Variants in WDFY3 observed in about 807,000 individuals in gnomAD.
WDFY3 encodes the protein WD repeat and FYVE domain containing 3.
WDFY3 carries 66 observed loss-of-function variants against 409.6 expected under a neutral mutation model. The observed-to-expected ratio is 0.16, with a 90% CI of 0.13 to 0.20. The LOEUF (loss-of-function observed/expected upper bound fraction) is 0.20, where lower values mean the gene tolerates loss of function less well. WDFY3 is among the 10% of genes least tolerant of loss of function. The pLI, the probability that WDFY3 is intolerant of heterozygous loss-of-function variation, is 1.00. For synonymous variants in WDFY3, 1,521 were observed against 1,537.1 expected (o/e 0.99, Z 0.25); for missense variants, 3,031 against 4,298.1 (o/e 0.71, Z 8.24).
chr4:84,787,737 G>A, intron 22 of WDFY3, 24 bp from the exon 23 acceptor site: 1 of 1,573,126 alleles, frequency 6.4e-7, no homozygotes, highest in Non-Finnish European at 8.7e-7. Flanking sequence ...AAAAGCAAAT[G>A]TGTGAGATGT....
Position 84,786,117 on chromosome 4 carries a change from C to T in WDFY3, c.3924G>A (p.Gly1308=). ...CTAATGACACAGGGGATGGCACCAC[C>T]CCTTCGGATTTTGCATCTTTACCTT... is the stretch of plus-strand genomic sequence containing the variant. The part of the protein sequence containing the change: ...CMPCKDAKSE[G]VVPSPVSLVP... The change falls in exon 24 of 68, where the codon GGG becomes GGA. Residue 1308 remains glycine, a synonymous_variant. Coordinates refer to ENST00000295888, the MANE Select transcript of WDFY3 (RefSeq NM_014991.6). 1.2e-6 allele frequency: 2 copies of T among 1,603,452 alleles called. No homozygotes were observed. The highest frequency in any genetic ancestry group is 2.2e-5 in the East Asian group (1 of 44,466).
At chr4:84,945,712 G>A (rs375691056) in intron 1 of WDFY3, among the ~76,000 whole-genome samples, 10 of 152,110 alleles carry the variant, frequency 6.6e-5, no homozygotes, top group African/African-American at 2.2e-4. Flanking sequence ...TCCCATCTCC[G>A]GAACACACTG....
intron 32 of WDFY3, among the ~76,000 whole-genome samples, chr4:84,761,014 C>A (rs912272204): frequency 1.3e-5 from 2 of 151,262 alleles, no homozygotes; most frequent in African/African-American, 2.4e-5. Context: ...TGTCTTTGTT[C>A]TCGTTGGTTT....
Position 84,741,767 on chromosome 4 carries a change from A to G in WDFY3, c.6228T>C (p.Ile2076=). ...KLLIDFIIQL[I]AQSKRRSQGL... is the part of the protein sequence containing the mutation. ...GATAGTGACAATGGATTACCTGTGCAATTAGTTGAATTATAAAATCTATAA... is the reference window on the plus strand; with the variant it reads ...GATAGTGACAATGGATTACCTGTGCGATTAGTTGAATTATAAAATCTATAA... Residue 2076 remains isoleucine (I), a synonymous_variant, in exon 38 of 68, where the codon ATT becomes ATC. Transcript: ENST00000295888. 3 of 1,609,044 alleles carry G rather than the reference A, an allele frequency of 1.9e-6. No individual in the cohort carries two copies. Among genetic ancestry groups the G allele is most frequent in the Non-Finnish European group, 1.7e-6 (2 of 1,176,382 alleles).
intron 55 of WDFY3, 38 bp from the exon 56 acceptor site, chr4:84,702,544 GT>G: frequency 6.7e-7 from 1 of 1,496,934 alleles, no homozygotes; most frequent in Middle Eastern, 1.8e-4. Flanking sequence ...TTAGAGAACC[GT>G]TCCCACCTGA....
intron 21 of WDFY3, among the ~76,000 whole-genome samples, chr4:84,792,000 T>TA (rs548225619): frequency 2.6e-5 from 4 of 152,064 alleles, no homozygotes; most frequent in Admixed American, 6.6e-5. Context: ...ATACTCATTT[T>TA]AAAAAAAATT....
chr4:84,740,910 G>T (rs183461717), intron 38 of WDFY3, among the ~76,000 whole-genome samples: 9 of 152,260 alleles, frequency 5.9e-5, no homozygotes, highest in African/African-American at 1.9e-4. Context: ...CAGAGCCTAT[G>T]TATCTGTGTA....
intron 24 of WDFY3, among the ~76,000 whole-genome samples, chr4:84,784,470 C>G (rs1330004177): frequency 6.6e-6 from 1 of 152,002 alleles, no homozygotes; most frequent in African/African-American, 2.4e-5. Context: ...AGAAAAAAAC[C>G]TGGAGTCCTT....
At chr4:84,897,166 T>G (rs959534528) in intron 2 of WDFY3, among the ~76,000 whole-genome samples, 156 bp from the exon 3 acceptor site, 24 of 152,320 alleles carry the variant, frequency 1.6e-4, no homozygotes, top group Admixed American at 1.4e-3. Flanking sequence ...AAAAATGCTC[T>G]GATGCCCGGA....
intron 1 of WDFY3, among the ~76,000 whole-genome samples, chr4:84,941,134 A>G (rs1772064577): frequency 6.6e-6 from 1 of 152,012 alleles, no homozygotes; most frequent in Non-Finnish European, 1.5e-5. Context: ...GCAATAAGGC[A>G]TGAAAAATAA....
intron 3 of WDFY3, among the ~76,000 whole-genome samples, chr4:84,884,758 G>A (rs1561000507): frequency 2.0e-5 from 3 of 152,264 alleles, no homozygotes; most frequent in South Asian, 2.1e-4. Flanking sequence ...GACCAAGGTA[G>A]AGGTGAGAAA....
In WDFY3 at chr4:84,846,620, A is replaced by G. The variant is rs916213247; in HGVS notation, c.304+3282T>C. 5.4e-5 allele frequency among the ~76,000 whole-genome samples: 8 copies of G among 149,108 alleles called. 1 individual carries two copies. The Admixed American group carries it at 5.4e-4, about 10-fold the overall frequency. ...TTCCTAATCTAGTATGTCATTCAAG[A>G]AAGAATGGGGATACCTAATTTCATC... On this transcript the variant is annotated intron_variant, in intron 5 of 67. Coordinates refer to ENST00000295888, the MANE Select transcript of WDFY3 (RefSeq NM_014991.6).
chr4:84,904,365 C>T (rs780070241), intron 2 of WDFY3, among the ~76,000 whole-genome samples: 2 of 151,698 alleles, frequency 1.3e-5, no homozygotes, highest in African/African-American at 2.4e-5. Flanking sequence ...CTAGGCGAAA[C>T]AGAGCAAGAC....
At chr4:84,792,900 A>ATT (rs1385006131) in intron 21 of WDFY3, among the ~76,000 whole-genome samples, 2 of 152,204 alleles carry the variant, frequency 1.3e-5, no homozygotes, top group African/African-American at 4.8e-5. Flanking sequence ...CATTCTAGGT[A>ATT]CTGTGTTAGA....
intron 1 of WDFY3, among the ~76,000 whole-genome samples, chr4:84,952,942 A>T (rs1561151667): frequency 6.6e-6 from 1 of 152,190 alleles, no homozygotes; most frequent in South Asian, 2.1e-4. Context: ...TGTATACACA[A>T]AGGAAATGAA....
At chr4:84,919,760 C>A (rs1169975601) in intron 2 of WDFY3, among the ~76,000 whole-genome samples, 2 of 152,090 alleles carry the variant, frequency 1.3e-5, no homozygotes, top group Non-Finnish European at 2.9e-5. Flanking sequence ...CTGAGGCCTC[C>A]CAGCCATGTG....
Position 84,850,008 on chromosome 4 carries a change from C to A in WDFY3, c.198G>T (p.Pro66=). 2 of 1,594,428 alleles carry A rather than the reference C, an allele frequency of 1.3e-6. No individual in the cohort carries two copies. The highest frequency in any genetic ancestry group is 2.3e-5 in the South Asian group (2 of 87,050). The change falls in exon 5 of 68, where the codon CCG becomes CCT. Residue 66 remains proline, a synonymous_variant. Transcript: ENST00000295888. ...AAAATTTTTCTGTCATTGTATTCGG[C>A]GGAGCATTTCCAAAAACCTGTAGAT... ...PVFNRVFGNA[P]PNTMTEKFSD...
chr4:84,828,852 T>C (rs1308945124), intron 9 of WDFY3, 152 bp downstream of exon 9: 19 of 740,282 alleles, frequency 2.6e-5, no homozygotes, highest in Admixed American at 3.7e-5. Context: ...TAAGCTGTGA[T>C]TGCACCAGAA....
intron 15 of WDFY3, among the ~76,000 whole-genome samples, chr4:84,805,631 T>C: frequency 6.6e-6 from 1 of 152,166 alleles, no homozygotes; most frequent in East Asian, 1.9e-4. Flanking sequence ...CTATTTAATA[T>C]TTTGACCTAA....
Sources: allele counts gnomAD v4.1 joint callset (sites outside exome capture counted in the v4.1 genomes callset), GRCh38; gene constraint gnomAD v4.1.1; transcripts MANE v1.5; gene names NCBI Gene and HGNC (gene_info 2026-07-23, HGNC 2026-07-21).